GNA14: variants seen among roughly 807,000 people sequenced by gnomAD.
GNA14 encodes guanine nucleotide-binding protein subunit alpha-14.
Under a neutral mutation model 42.0 loss-of-function variants are expected in GNA14, and 50 were observed. The observed-to-expected ratio is 1.19, with a 90% CI of 0.95 to 1.51. GNA14 has a LOEUF of 1.51. Ranked by LOEUF, GNA14 falls within the 40% of genes most tolerant of loss-of-function variation. The pLI is 0.00. For synonymous variants in GNA14, 173 were observed against 163.1 expected (o/e 1.06, Z -0.46); for missense variants, 473 against 446.2 (o/e 1.06, Z -0.54).
Position 77,425,701 on chromosome 9 carries a change from C to T in GNA14, c.738G>A (p.Glu246=), listed in dbSNP as rs1297062315. 1 of 1,597,492 alleles carries T rather than the reference C, an allele frequency of 6.3e-7. No individual in the cohort carries two copies. The highest frequency in any genetic ancestry group is 1.8e-5 in the Admixed American group (1 of 55,734). ...TGATGGTTTTAAATAAGGCTTTGCT[C>T]TCTTCCATGCGATTCTAAGTGAAAA... ...AECDNENRME[E]SKALFKTIIT... The change falls in exon 6 of 7, where the codon GAG becomes GAA. Residue 246 remains glutamate, a synonymous_variant. Coordinates refer to ENST00000341700, the MANE Select transcript of GNA14 (RefSeq NM_004297.4).
chr9:77,632,802 G>A (rs984172151), intron 1 of GNA14, among the ~76,000 whole-genome samples: 2 of 152,142 alleles, frequency 1.3e-5, no homozygotes, highest in African/African-American at 4.8e-5. Context: ...CACAGTGGCC[G>A]GACCCCATGC....
chr9:77,638,724 A>C (rs1455637501), intron 1 of GNA14, among the ~76,000 whole-genome samples: 1 of 152,218 alleles, frequency 6.6e-6, no homozygotes, highest in Non-Finnish European at 1.5e-5. Flanking sequence ...ATATAAATCT[A>C]AGTTTTTAAA....
At chr9:77,546,658 A>G (rs1837723695) in intron 1 of GNA14, among the ~76,000 whole-genome samples, 2 of 152,154 alleles carry the variant, frequency 1.3e-5, no homozygotes. Context: ...CTAAGACCAA[A>G]ACATTTGGGT....
At chr9:77,559,913 G>A (rs1405591013) in intron 1 of GNA14, among the ~76,000 whole-genome samples, 1 of 152,162 alleles carries the variant, frequency 6.6e-6, no homozygotes, top group African/African-American at 2.4e-5. Context: ...CCAGGCGGTG[G>A]TGAGTATACC....
chr9:77,464,590 T>C (rs1836187363), intron 2 of GNA14, among the ~76,000 whole-genome samples: 1 of 152,110 alleles, frequency 6.6e-6, no homozygotes, highest in African/African-American at 2.4e-5. Flanking sequence ...AATTCATCCA[T>C]TCAAAACACA....
intron 1 of GNA14, among the ~76,000 whole-genome samples, chr9:77,564,619 C>T (rs898288591): frequency 3.3e-5 from 5 of 152,004 alleles, no homozygotes; most frequent in African/African-American, 7.2e-5. Flanking sequence ...GATCACTTGA[C>T]GTCAGGAGTT....
chr9:77,475,351 G>T (rs980019368), intron 2 of GNA14, among the ~76,000 whole-genome samples: 3 of 152,136 alleles, frequency 2.0e-5, no homozygotes, highest in Admixed American at 2.0e-4. Flanking sequence ...AAGAAAACAT[G>T]GTCACTAGGA....
chr9:77,639,572 A>C (rs1412518699), intron 1 of GNA14, among the ~76,000 whole-genome samples: 1 of 152,226 alleles, frequency 6.6e-6, no homozygotes, highest in Non-Finnish European at 1.5e-5. Flanking sequence ...ACCAGGGTGC[A>C]GAAGATGGTC....
At position 77,435,780 on chromosome 9, in the gene GNA14, C is replaced by A. The variant is rs1183734450; in HGVS notation, c.310-1258G>T. Among the ~76,000 whole-genome samples, 36 of 152,124 alleles carry A rather than the reference C, an allele frequency of 2.4e-4. 1 individual carries two copies. ...TGGAAAAGATAAGGTTGGCCTGCAG[C>A]CACAACATTTCCCCGTGTTGGCCCC... On this transcript the variant is annotated intron_variant, in intron 2 of 6. Transcript: ENST00000341700.
chr9:77,425,430 A>T, intron 6 of GNA14, 132 bp downstream of exon 6: 1 of 608,190 alleles, frequency 1.6e-6, no homozygotes. Flanking sequence ...TTCTGTTTGA[A>T]GGTGGGAATA....
At chr9:77,473,201 A>G (rs1836361675) in intron 2 of GNA14, among the ~76,000 whole-genome samples, 1 of 152,210 alleles carries the variant, frequency 6.6e-6, no homozygotes, top group South Asian at 2.1e-4. Flanking sequence ...TCATGCCTGT[A>G]ATCCCAATAC....
chr9:77,424,030 A>G lies in GNA14; in HGVS notation c.1017T>C (p.Ala339=), dbSNP rs759943082. Residue 339 remains alanine (A), a synonymous_variant, in exon 7 of 7, where the codon GCT becomes GCC. Transcript: ENST00000341700. The part of the protein sequence containing the change: ...DTDNIRFVFA[A]VKDTILQLNL... ...TTAGCTGTAGAATTGTGTCTTTGAC[A>G]GCAGCAAACACAAAGCGAATATTGT... The G allele has an allele frequency of 1.9e-6, 3 of 1,610,828 alleles. No homozygotes were observed. In the South Asian group the frequency reaches 3.3e-5, roughly 18 times the overall value.
chr9:77,498,373 C>CAAAAAAAAAAAA (rs766816001), intron 2 of GNA14, among the ~76,000 whole-genome samples: 2 of 54,130 alleles, frequency 3.7e-5, no homozygotes. Flanking sequence ...AAGTCTGTCT[C>CAAAAAAAAAAAA]AAAAAAAAAA....
At chr9:77,586,377 A>G (rs1427731847) in intron 1 of GNA14, among the ~76,000 whole-genome samples, 1 of 152,202 alleles carries the variant, frequency 6.6e-6, no homozygotes, top group African/African-American at 2.4e-5. Flanking sequence ...ATATATAGTC[A>G]ACAAGCATAT....
intron 1 of GNA14, among the ~76,000 whole-genome samples, chr9:77,533,345 A>T (rs1416541375): frequency 1.3e-5 from 2 of 152,058 alleles, no homozygotes. Flanking sequence ...ACACCTGGCT[A>T]ATTTTTGTAT....
intron 2 of GNA14, among the ~76,000 whole-genome samples, chr9:77,488,780 TAATTAA>T (rs1836702892): frequency 1.7e-5 from 1 of 60,258 alleles, no homozygotes; most frequent in African/African-American, 7.8e-5. Flanking sequence ...CAAACACACC[TAATTAA>T]AAAAAAAAAA....
chr9:77,518,333 G>C (rs183962636), intron 2 of GNA14, among the ~76,000 whole-genome samples: 3 of 152,260 alleles, frequency 2.0e-5, no homozygotes, highest in African/African-American at 7.2e-5. Flanking sequence ...TACTAACATT[G>C]TGGAGGGCTC....
intron 1 of GNA14, among the ~76,000 whole-genome samples, chr9:77,577,010 G>A (rs1394515943): frequency 1.3e-5 from 2 of 152,192 alleles, no homozygotes; most frequent in African/African-American, 4.8e-5. Flanking sequence ...GTAGTAGTAT[G>A]TGCATGCACA....
intron 2 of GNA14, among the ~76,000 whole-genome samples, chr9:77,441,634 T>C (rs1055311116): frequency 2.6e-5 from 4 of 152,178 alleles, no homozygotes; most frequent in Non-Finnish European, 4.4e-5. Flanking sequence ...TAGCATAGTA[T>C]TTCCAACTTT....
Sources: allele counts gnomAD v4.1 joint callset (sites outside exome capture counted in the v4.1 genomes callset), GRCh38; gene constraint gnomAD v4.1.1; transcripts MANE v1.5; gene names NCBI Gene and HGNC (gene_info 2026-07-23, HGNC 2026-07-21).